E2F7: variants seen among roughly 807,000 people sequenced by gnomAD.
E2F7 encodes the protein transcription factor E2F7.
In E2F7, 35 loss-of-function variants were observed where a neutral mutation model predicts 81.1. The ratio of observed to expected loss-of-function variants is 0.43; its 90% CI spans 0.33 to 0.57. E2F7 has a LOEUF of 0.57. E2F7 is among the 20% of genes least tolerant of loss of function. The pLI is 0.04. For missense variants in E2F7, 961 were observed against 1,093.7 expected (o/e 0.88, Z 1.71); for synonymous variants, 416 against 416.2 (o/e 1.00, Z 0.01).
At chr12:77,035,917 G>T (rs1225630249) in intron 7 of E2F7, among the ~76,000 whole-genome samples, 1 of 132,188 alleles carries the variant, frequency 7.6e-6, no homozygotes, top group Non-Finnish European at 1.7e-5. Flanking sequence ...AAATACAGTG[G>T]GGGGATGAAA....
intron 3 of E2F7, among the ~76,000 whole-genome samples, chr12:77,051,268 T>TAAATA (rs979166346): frequency 1.3e-5 from 2 of 152,192 alleles, no homozygotes; most frequent in Admixed American, 6.5e-5. Flanking sequence ...CTTTTATTTG[T>TAAATA]AAATACATTA....
At position 77,027,943 on chromosome 12, in the gene E2F7, C is replaced by T. The variant is rs750191628; in HGVS notation, c.2080G>A (p.Glu694Lys). The change falls in exon 11 of 13, where the codon GAA (glutamate) becomes AAA (lysine). Residue 694 changes from glutamate to lysine, a missense_variant. Transcript: ENST00000322886. ...GAAGGCTCTTTGGTGCTTTCATTTT[C>T]TTTTGAAGGCTTTTCAACATCTGTA... ...RNTDVEKPSKENESTKEPSLL... is the reference protein window; with the variant it reads ...RNTDVEKPSKKNESTKEPSLL... The T allele has an allele frequency of 1.2e-6, 2 of 1,614,196 alleles. No homozygotes were observed. The highest frequency in any genetic ancestry group is 8.5e-7 in the Non-Finnish European group (1 of 1,180,026).
At chr12:77,061,873 C>T (rs1009142577) in intron 2 of E2F7, among the ~76,000 whole-genome samples, 7 of 152,224 alleles carry the variant, frequency 4.6e-5, no homozygotes, top group Admixed American at 2.0e-4. Context: ...ATGTCCATCT[C>T]GTTCACTCTT....
At chr12:77,026,379 T>G (rs1954760102) in intron 11 of E2F7, among the ~76,000 whole-genome samples, 1 of 152,224 alleles carries the variant, frequency 6.6e-6, no homozygotes, top group Non-Finnish European at 1.5e-5. Context: ...CATGGCTTAC[T>G]GTAGCCTCAC....
At chr12:77,044,927 C>T (rs1954926294) in intron 5 of E2F7, 132 bp from the exon 6 acceptor site, 5 of 1,047,080 alleles carry the variant, frequency 4.8e-6, no homozygotes, top group Non-Finnish European at 6.8e-6. Context: ...CAGAAGCTTA[C>T]TGGATACACA....
intron 6 of E2F7, 55 bp from the exon 7 acceptor site, chr12:77,043,254 T>G (rs1954909184): frequency 6.2e-7 from 1 of 1,606,992 alleles, no homozygotes; most frequent in East Asian, 2.2e-5. Context: ...CATGACAGTT[T>G]AGTTTATGTG....
In E2F7 at chr12:77,055,903, T is replaced by C. The variant is rs761716144; in HGVS notation, c.321A>G (p.Leu107=). The C allele has an allele frequency of 1.9e-6, 3 of 1,614,040 alleles. No homozygotes were observed. The highest frequency in any genetic ancestry group is 2.5e-6 in the Non-Finnish European group (3 of 1,180,004). Residue 107 remains leucine (L), a synonymous_variant, in exon 3 of 13, where the codon CTA becomes CTG. Coordinates refer to ENST00000322886, the MANE Select transcript of E2F7 (RefSeq NM_203394.3). ...CGTCCTTGTTTTCAATGGGTCGGAATAGTCCCTTTTTCTTCTCCCGGTCCC... is the reference window on the plus strand; with the variant it reads ...CGTCCTTGTTTTCAATGGGTCGGAACAGTCCCTTTTTCTTCTCCCGGTCCC... ...DIRDREKKKG[L]FRPIENKDDA...
intron 9 of E2F7, among the ~76,000 whole-genome samples, chr12:77,032,467 C>T (rs1321071569): frequency 6.6e-6 from 1 of 152,206 alleles, no homozygotes; most frequent in Non-Finnish European, 1.5e-5. Flanking sequence ...AGCGTTTCTT[C>T]TGCTTTCTCT....
At chr12:77,059,960 C>CAAA (rs59663589) in intron 2 of E2F7, among the ~76,000 whole-genome samples, 28 of 77,112 alleles carry the variant, frequency 3.6e-4, no homozygotes, top group East Asian at 7.2e-4. Context: ...GATTCTGTCT[C>CAAA]AAAAAAAAAA....
chr12:77,036,572 GA>G (rs1267110262), intron 7 of E2F7, among the ~76,000 whole-genome samples: 3 of 151,870 alleles, frequency 2.0e-5, no homozygotes, highest in South Asian at 4.2e-4. Flanking sequence ...GGAACAAAAG[GA>G]AAAAAATCTT....
chr12:77,031,643 A>G (rs1455866297), intron 9 of E2F7, among the ~76,000 whole-genome samples: 2 of 152,192 alleles, frequency 1.3e-5, no homozygotes, highest in Non-Finnish European at 2.9e-5. Context: ...TCTGTCTCCA[A>G]AAAGAAAAAG....
In E2F7 at chr12:77,022,072, T is replaced by C. The variant is rs1954716366; in HGVS notation, c.*1943A>G. ...GATAGCAAAAATGTTAAAACAAGTA[T>C]AGAGCATTCAGGAACAGTGAGGGGA... On this transcript the variant is annotated 3_prime_UTR_variant, in exon 13 of 13. Transcript: ENST00000322886. 6.6e-6 allele frequency: 1 copy of C among 152,124 alleles called. No homozygotes were observed. Among genetic ancestry groups the C allele is most frequent in the African/African-American group, 2.4e-5 (1 of 41,436 alleles). The allele number at this position is 152,124 out of a possible 1,614,324, so 9.4% of individuals were successfully genotyped here. A position where few individuals can be genotyped will look rare whatever the true frequency, so the allele number is the denominator to read the frequency against.
At position 77,065,529 on chromosome 12, in the gene E2F7, G is replaced by C. The variant is rs1029347054; in HGVS notation, c.-185C>G. The C allele has an allele frequency of 2.0e-5, 3 of 152,342 alleles. No homozygotes were observed. Among genetic ancestry groups the C allele is most frequent in the Non-Finnish European group, 4.4e-5 (3 of 68,178 alleles). 9.4% of individuals were successfully genotyped at this position (152,342 alleles called of 1,614,324 possible). On this transcript the variant is annotated 5_prime_UTR_variant, in exon 1 of 13. Coordinates refer to ENST00000322886, the MANE Select transcript of E2F7 (RefSeq NM_203394.3). The stretch of plus-strand genomic sequence containing the variant: ...CCCGCGGCGTCCGGGCAGCGCCAGC[G>C]CTCAGACCGGCCGAGCGCAACTCCA...
chr12:77,050,190 A>C (rs1954975395), intron 4 of E2F7, among the ~76,000 whole-genome samples: 1 of 152,200 alleles, frequency 6.6e-6, no homozygotes, highest in South Asian at 2.1e-4. Flanking sequence ...AGTTGAAATA[A>C]CACTAGTTCT....
In E2F7 at chr12:77,030,040, C is replaced by T; in HGVS notation, c.1675G>A (p.Gly559Arg). 6.2e-7 allele frequency: 1 copy of T among 1,614,176 alleles called. No homozygotes were observed. Among genetic ancestry groups the T allele is most frequent in the Non-Finnish European group, 8.5e-7 (1 of 1,180,040 alleles). The change falls in exon 10 of 13, where the codon GGA (glycine) becomes AGA (arginine). Residue 559 changes from glycine to arginine, a missense_variant. Gly to Arg is a moderately radical substitution (Grantham distance 125). Transcript: ENST00000322886. The part of the protein sequence containing the change: ...VPSASLFMLY[G>R]SLQEGPASGS... ...GACGCTGGTCCCTCCTGCAGACTTC[C>T]ATACAGCATGAACAGTGAGGCAGAG...
At chr12:77,061,820 T>G (rs1279343354) in intron 2 of E2F7, among the ~76,000 whole-genome samples, 3 of 152,190 alleles carry the variant, frequency 2.0e-5, no homozygotes, top group Non-Finnish European at 4.4e-5. Context: ...TTCTTGAACA[T>G]TTTTTTGAAT....
chr12:77,023,011 C>G lies in E2F7; in HGVS notation c.*1004G>C, dbSNP rs1014757149. 1.3e-5 allele frequency: 2 copies of G among 152,190 alleles called. No individual in the cohort carries two copies. The highest frequency in any genetic ancestry group is 3.8e-4 in the East Asian group (2 of 5,200). The allele number at this position is 152,190 out of a possible 1,614,324, so 9.4% of individuals were successfully genotyped here. A position where few individuals can be genotyped will look rare whatever the true frequency, so the allele number is the denominator to read the frequency against. ...ATCTCTTGCCCTGTATCAATTTTCA[C>G]ATCATTACTCTTCAGAATTCAACGA... On this transcript the variant is annotated 3_prime_UTR_variant, in exon 13 of 13. Coordinates refer to ENST00000322886, the MANE Select transcript of E2F7 (RefSeq NM_203394.3).
intron 4 of E2F7, among the ~76,000 whole-genome samples, chr12:77,048,670 A>G (rs1414274253): frequency 6.6e-6 from 1 of 152,162 alleles, no homozygotes; most frequent in African/African-American, 2.4e-5. Context: ...CCATTTTATG[A>G]TGTCACATGA....
rs578244318 is a variant in E2F7 at position 77,022,497 on chromosome 12, C to G, written c.*1518G>C. ...TTAATATAAAGCTACTTTATTCAGA[C>G]TCCCAGAGTCTCTTAAATTAATATT... On this transcript the variant is annotated 3_prime_UTR_variant, in exon 13 of 13. Coordinates refer to ENST00000322886, the MANE Select transcript of E2F7 (RefSeq NM_203394.3). The G allele has an allele frequency of 6.6e-6, 1 of 152,468 alleles. No homozygotes were observed. Among genetic ancestry groups the G allele is most frequent in the Non-Finnish European group, 1.5e-5 (1 of 68,014 alleles). The allele number at this position is 152,468 out of a possible 1,614,324, so 9.4% of individuals were successfully genotyped here. A position where few individuals can be genotyped will look rare whatever the true frequency, so the allele number is the denominator to read the frequency against.
Sources: gnomAD v4.1 joint callset for allele counts (sites outside exome capture counted in the v4.1 genomes callset) on GRCh38, gnomAD v4.1.1 for gene constraint, MANE v1.5 for transcripts, NCBI Gene and HGNC (gene_info 2026-07-23, HGNC 2026-07-21) for gene names.